The following CDH26 variants were observed in gnomAD, a reference collection of about 807,000 sequenced individuals.
CDH26 encodes the protein cadherin-like protein 26.
Under a neutral mutation model 90.3 loss-of-function variants are expected in CDH26, and 83 were observed. That is an observed-to-expected ratio of 0.92 (90% CI 0.77 to 1.10). The LOEUF is 1.10. Among genes scored for constraint, CDH26 ranks in the 50% least tolerant of loss-of-function variants. CDH26 has a pLI of 0.00. For synonymous variants in CDH26, 397 were observed against 396.3 expected (o/e 1.00, Z -0.02); for missense variants, 1,013 against 1,037.6 (o/e 0.98, Z 0.33).
In CDH26 at chr20:60,014,241, C is replaced by G. The variant is rs533842934; in HGVS notation, c.*1511C>G. ...TTCAATACATTTACAGTGATCAGAT[C>G]AGGGTGGTTAACGTAATCATTGGCT... On this transcript the variant is annotated 3_prime_UTR_variant, in exon 18 of 18. Coordinates refer to ENST00000348616, the MANE Select transcript of CDH26 (RefSeq NM_177980.4). The G allele has an allele frequency of 1.5e-4, 23 of 152,232 alleles. No homozygotes were observed. The highest frequency in any genetic ancestry group is 1.2e-3 in the South Asian group (6 of 4,824). 9.4% of individuals were successfully genotyped at this position (152,232 alleles called of 1,614,324 possible). A position where few individuals can be genotyped will look rare whatever the true frequency, so the allele number is the denominator to read the frequency against.
At chr20:60,000,670 T>C (rs2061664375) in intron 14 of CDH26, among the ~76,000 whole-genome samples, 1 of 152,206 alleles carries the variant, frequency 6.6e-6, no homozygotes, top group Non-Finnish European at 1.5e-5. Context: ...TGCTTCCCTA[T>C]TTTACAGGGG....
intron 4 of CDH26, among the ~76,000 whole-genome samples, chr20:59,975,441 C>T (rs1026446264): frequency 4.6e-5 from 7 of 152,174 alleles, no homozygotes. Context: ...CCTGCTGACT[C>T]CTCCATTTCA....
Position 59,996,838 on chromosome 20 carries a change from C to T in CDH26, c.2019+77C>T, listed in dbSNP as rs368092924. Reference sequence around the variant, plus strand: ...AGACATATAGCATGTATTTTTCCCCCCATTGTGCCACCTCTTAATTCTTCA... The same window carrying T: ...AGACATATAGCATGTATTTTTCCCCTCATTGTGCCACCTCTTAATTCTTCA... On this transcript the variant is annotated intron_variant, in intron 13 of 17. Transcript: ENST00000348616. 3.2e-6 allele frequency: 5 copies of T among 1,565,622 alleles called. No homozygotes were observed. In the East Asian group the frequency reaches 1.1e-4, roughly 35 times the overall value.
At position 60,021,897 on chromosome 20, in the gene CDH26, C is replaced by CACACACACACATAT. The variant is rs1295572684; in HGVS notation, c.948-9333_948-9332insCACACACACATATA. On this transcript the variant is annotated intron_variant, in intron 7 of 8. Transcript: ENST00000370991. ...ACACACACACACACACACACACACACATATATATATATATATATATCCTGA... is the reference window on the plus strand; with the variant it reads ...ACACACACACACACACACACACACACACACACACACATATATATATATATATATATATATCCTGA... 8.6e-4 allele frequency among the ~76,000 whole-genome samples: 68 copies of CACACACACACATAT among 79,000 alleles called. 3 individuals are homozygous for CACACACACACATAT. The highest frequency in any genetic ancestry group is 1.7e-3 in the Non-Finnish European group (57 of 33,812). The allele number at this position is 79,000 out of a possible 152,430, so 51.8% of individuals were successfully genotyped here.
downstream of CDH26, among the ~76,000 whole-genome samples, chr20:60,015,686 A>C (rs2061899787): frequency 1.3e-5 from 2 of 152,110 alleles, no homozygotes; most frequent in Admixed American, 1.3e-4. Flanking sequence ...TCTTACTCAT[A>C]AGTTTTTTTA....
intron 14 of CDH26, 60 bp from the exon 15 acceptor site, chr20:60,001,283 T>C: frequency 6.2e-6 from 10 of 1,608,386 alleles, no homozygotes; most frequent in Non-Finnish European, 8.5e-6. Flanking sequence ...GCATGCCCAC[T>C]TTGTTTCCAG....
intron 9 of CDH26, among the ~76,000 whole-genome samples, chr20:59,990,373 G>A (rs571808824): frequency 1.3e-5 from 2 of 152,164 alleles, no homozygotes; most frequent in Non-Finnish European, 2.9e-5. Context: ...GACAGAAAGG[G>A]GTCATGAGTC....
intron 13 of CDH26, 151 bp downstream of exon 13, chr20:59,996,912 T>A: frequency 1.0e-6 from 1 of 954,574 alleles, no homozygotes; most frequent in Non-Finnish European, 1.6e-6. Flanking sequence ...TTGCAAATAC[T>A]ATCTAACTCA....
chr20:59,959,219 G>A (rs2061036055), intron 1 of CDH26, among the ~76,000 whole-genome samples: 1 of 152,050 alleles, frequency 6.6e-6, no homozygotes, highest in Admixed American at 6.6e-5. Context: ...TTCCACCTCA[G>A]CCTCAAGAGT....
At chr20:59,983,456 C>T (rs1035174863) in intron 5 of CDH26, among the ~76,000 whole-genome samples, 2 of 152,094 alleles carry the variant, frequency 1.3e-5, no homozygotes, top group Admixed American at 6.6e-5. Flanking sequence ...TAAACCCAAC[C>T]GACTCTTACT....
chr20:59,989,054 G>C lies in CDH26; in HGVS notation c.1174G>C (p.Asp392His). 6.2e-7 allele frequency: 1 copy of C among 1,614,146 alleles called. No homozygotes were observed. Residue 392 changes from aspartate to histidine, a missense_variant, in exon 9 of 18, where the codon GAC (aspartate) becomes CAC (histidine). Transcript: ENST00000348616. ...TVSVQVTDAN[D>H]PPAFHPQSFI... ...GAGTGTGCAGGTGACAGACGCCAAC[G>C]ACCCACCAGCCTTTCACCCCCAGAG...
intron 3 of CDH26, among the ~76,000 whole-genome samples, chr20:59,970,742 G>A (rs186224314): frequency 6.9e-4 from 104 of 151,464 alleles, no homozygotes; most frequent in Middle Eastern, 3.4e-3. Context: ...CCCAGGAGGC[G>A]GAGCTTGCAG....
In CDH26 at chr20:59,965,750, C is replaced by T. The variant is rs747206951; in HGVS notation, c.70-3217C>T. ...TTTGATATTACACCAAAACTCAATA[C>T]ACTGTAATGTCTTAACAGTTATTTA... On this transcript the variant is annotated intron_variant, in intron 1 of 17. Transcript: ENST00000348616. Among the ~76,000 whole-genome samples the T allele has an allele frequency of 3.6e-4, 55 of 152,178 alleles. 1 individual carries two copies. The highest frequency in any genetic ancestry group is 1.8e-3 in the Admixed American group (27 of 15,270).
rs769655102 is a variant in CDH26, at chr20:59,970,063, G to T, written c.127-19G>T. 1 of 1,608,562 alleles carries T rather than the reference G, an allele frequency of 6.2e-7. No individual in the cohort carries two copies. On this transcript the variant is annotated intron_variant, in intron 2 of 17. Coordinates refer to ENST00000348616, the MANE Select transcript of CDH26 (RefSeq NM_177980.4). The stretch of plus-strand genomic sequence containing the variant: ...ATCACTGCCATCCTCATTGTCACCA[G>T]TGTCACTATAAGTTCCAGGAAAAGA...
intron 7 of CDH26, among the ~76,000 whole-genome samples, chr20:60,026,015 T>TCAGAGCC (rs2061993885): frequency 6.6e-6 from 1 of 152,206 alleles, no homozygotes; most frequent in Admixed American, 6.5e-5. Flanking sequence ...GTTAGCTTTC[T>TCAGAGCC]CAGAGCCCAG....
intron 10 of CDH26, 113 bp from the exon 11 acceptor site, chr20:59,994,136 GA>G: frequency 7.3e-7 from 1 of 1,364,322 alleles, no homozygotes; most frequent in Non-Finnish European, 1.0e-6. Context: ...CGTTGAAAGG[GA>G]AACAGTTCCA....
downstream of CDH26, among the ~76,000 whole-genome samples, chr20:60,014,919 C>T (rs879754775): frequency 6.6e-6 from 1 of 152,196 alleles, no homozygotes; most frequent in Non-Finnish European, 1.5e-5. Context: ...TTCCTACCAA[C>T]AGCGTATGGG....
At chr20:59,987,334 A>C in intron 7 of CDH26, 119 bp from the exon 8 acceptor site, 1 of 837,410 alleles carries the variant, frequency 1.2e-6, no homozygotes. Flanking sequence ...ATGAGGAGCA[A>C]CATTCTTTCT....
intron 4 of CDH26, among the ~76,000 whole-genome samples, chr20:59,972,707 A>G (rs2061277679): frequency 6.6e-6 from 1 of 152,212 alleles, no homozygotes; most frequent in Non-Finnish European, 1.5e-5. Flanking sequence ...GTCCTTAGGT[A>G]GTCAAACTTT....
Sources: gnomAD v4.1 joint callset for allele counts (sites outside exome capture counted in the v4.1 genomes callset) on GRCh38, gnomAD v4.1.1 for gene constraint, MANE v1.5 for transcripts, NCBI Gene and HGNC (gene_info 2026-07-23, HGNC 2026-07-21) for gene names.